Variants in EPHX1 observed in about 807,000 individuals in gnomAD.
EPHX1 encodes the protein epoxide hydrolase 1, also known as epoxide hydratase.
Under a neutral mutation model 43.2 loss-of-function variants are expected in EPHX1, and 40 were observed. The observed-to-expected ratio is 0.93, with a 90% CI of 0.72 to 1.21. The LOEUF (loss-of-function observed/expected upper bound fraction) is 1.21, where lower values mean the gene tolerates loss of function less well. Among genes scored for constraint, EPHX1 ranks in the 50% most tolerant of loss-of-function variants. The pLI is 0.00. For synonymous variants in EPHX1, 221 were observed against 226.7 expected (o/e 0.98, Z 0.22); for missense variants, 550 against 570.4 (o/e 0.96, Z 0.36).
At chr1:225,836,211 A>G (rs1171672091) in intron 3 of EPHX1, among the ~76,000 whole-genome samples, 1 of 152,210 alleles carries the variant, frequency 6.6e-6, no homozygotes, top group Non-Finnish European at 1.5e-5. Context: ...GGGATCCTGG[A>G]ACAGAAAATG....
chr1:225,815,632 T>G lies in EPHX1; in HGVS notation c.-6+5463T>G, dbSNP rs78466451. ...TAAATATTTTTAGTCTTTTGGGACT[T>G]TTAAACTCCTTTTTGAAACCTAAGC... On this transcript the variant is annotated intron_variant, in intron 1 of 8. Coordinates refer to ENST00000272167, the MANE Select transcript of EPHX1 (RefSeq NM_001136018.4). Among the ~76,000 whole-genome samples, 28 of 152,274 alleles carry G rather than the reference T, an allele frequency of 1.8e-4. No homozygotes were observed. The East Asian group carries it at 5.2e-3, about 28-fold the overall frequency.
intron 2 of EPHX1, among the ~76,000 whole-genome samples, chr1:225,830,685 G>A (rs1667530614): frequency 6.6e-6 from 1 of 152,058 alleles, no homozygotes. Flanking sequence ...GGCTGGTCTC[G>A]AACTCCTGAC....
rs1474353609 is a variant in EPHX1 at position 225,839,706 on chromosome 1, T to C, written c.723-123T>C. ...CCCATGGCCTCCCCAGTGGGGCCAG[T>C]GCTGAAAGAGGCTGGCTCTGTGCTC... On this transcript the variant is annotated intron_variant, in intron 5 of 8. Transcript: ENST00000272167. The C allele has an allele frequency of 5.4e-6, 6 of 1,101,996 alleles. No individual in the cohort carries two copies. The African/African-American group carries it at 9.2e-5, about 17-fold the overall frequency. The allele number at this position is 1,101,996 out of a possible 1,614,324, so 68.3% of individuals were successfully genotyped here.
intron 8 of EPHX1, among the ~76,000 whole-genome samples, chr1:225,844,854 G>C (rs1435738213): frequency 6.6e-6 from 1 of 152,184 alleles, no homozygotes; most frequent in Admixed American, 6.5e-5. Context: ...CCCAGTCTAG[G>C]ATGCTGGTCT....
intron 3 of EPHX1, among the ~76,000 whole-genome samples, chr1:225,835,699 C>G (rs1441705918): frequency 6.8e-6 from 1 of 147,274 alleles, no homozygotes; most frequent in African/African-American, 2.5e-5. Context: ...TTTGTTTTTT[C>G]TTTCCTTTTT....
At chr1:225,835,857 C>T (rs1416853419) in intron 3 of EPHX1, among the ~76,000 whole-genome samples, 3 of 151,982 alleles carry the variant, frequency 2.0e-5, no homozygotes, top group African/African-American at 7.2e-5. Flanking sequence ...TGACATTGGG[C>T]ATTTATGGTA....
chr1:225,815,254 G>GT lies in EPHX1; in HGVS notation c.-6+5094dup, dbSNP rs544480405. 7.2e-3 allele frequency among the ~76,000 whole-genome samples: 956 copies of GT among 133,264 alleles called. 94 individuals carry two copies. The highest frequency in any genetic ancestry group is 0.023 in the African/African-American group (883 of 38,434). The allele number at this position is 133,264 out of a possible 152,430, so 87.4% of individuals were successfully genotyped here. A position where few individuals can be genotyped will look rare whatever the true frequency, so the allele number is the denominator to read the frequency against. ...GTCAGGACATCGTTGTTTTTGTCTT[G>GT]TTTTTTTTTGAGACAGGGTCTGGCT... On this transcript the variant is annotated intron_variant, in intron 1 of 8. Coordinates refer to ENST00000272167, the MANE Select transcript of EPHX1 (RefSeq NM_001136018.4).
intron 3 of EPHX1, chr1:225,832,161 A>AGG: frequency 1.6e-6 from 1 of 630,960 alleles, no homozygotes. Flanking sequence ...GCTAGGCAGG[A>AGG]ACACATACAT....
At chr1:225,845,074 A>G in intron 8 of EPHX1, 72 bp from the exon 9 acceptor site, 1 of 1,537,416 alleles carries the variant, frequency 6.5e-7, no homozygotes, top group South Asian at 1.1e-5. Flanking sequence ...CAGGCGCTTT[A>G]ACCCCCTGCT....
At chr1:225,824,933 A>C (rs1667159329) in intron 1 of EPHX1, among the ~76,000 whole-genome samples, 1 of 152,260 alleles carries the variant, frequency 6.6e-6, no homozygotes, top group African/African-American at 2.4e-5. Flanking sequence ...TAGGTGGCAA[A>C]GTAACACACT....
chr1:225,821,201 C>T (rs528694951), intron 1 of EPHX1, among the ~76,000 whole-genome samples: 1 of 152,170 alleles, frequency 6.6e-6, no homozygotes, highest in African/African-American at 2.4e-5. Flanking sequence ...ATTTTTACCC[C>T]AGTGTAACAA....
chr1:225,841,749 G>A (rs1668446026), intron 6 of EPHX1, among the ~76,000 whole-genome samples: 1 of 151,758 alleles, frequency 6.6e-6, no homozygotes, highest in Non-Finnish European at 1.5e-5. Context: ...TTACAGGCAT[G>A]CACCACCATG....
chr1:225,834,629 T>A (rs897360449), intron 3 of EPHX1, among the ~76,000 whole-genome samples: 1 of 148,884 alleles, frequency 6.7e-6, no homozygotes, highest in Non-Finnish European at 1.5e-5. Flanking sequence ...ATTTTTTGGA[T>A]CAAATTTGGA....
chr1:225,843,467 G>A (rs1039191400), intron 7 of EPHX1, among the ~76,000 whole-genome samples: 6 of 152,178 alleles, frequency 3.9e-5, no homozygotes, highest in South Asian at 2.1e-4. Context: ...CAGGGCCTTC[G>A]TCTGGGATCT....
At position 225,823,636 on chromosome 1, in the gene EPHX1, T is replaced by C. The variant is rs36232103; in HGVS notation, c.-5-5089T>C. 5.9e-3 allele frequency among the ~76,000 whole-genome samples: 903 copies of C among 152,342 alleles called. 13 individuals are homozygous for C. The highest frequency in any genetic ancestry group is 0.021 in the African/African-American group (858 of 41,568). On this transcript the variant is annotated intron_variant, in intron 1 of 8. Coordinates refer to ENST00000272167, the MANE Select transcript of EPHX1 (RefSeq NM_001136018.4). Reference sequence around the variant, plus strand: ...ATGTAGGGGTGATGCAGCCCTGCTCTGTCCTCTTGAGTGCTGGGTGGCCAT... The same window carrying C: ...ATGTAGGGGTGATGCAGCCCTGCTCCGTCCTCTTGAGTGCTGGGTGGCCAT...
At chr1:225,839,128 G>A (rs1668154517) in intron 4 of EPHX1, 89 bp from the exon 5 acceptor site, 2 of 1,598,856 alleles carry the variant, frequency 1.3e-6, no homozygotes, top group Non-Finnish European at 1.7e-6. Flanking sequence ...GGGGTAGGCG[G>A]GCCTGAGAAA....
chr1:225,837,356 G>A (rs192363887), intron 3 of EPHX1, among the ~76,000 whole-genome samples: 5 of 152,342 alleles, frequency 3.3e-5, no homozygotes, highest in African/African-American at 4.8e-5. Context: ...TGTGAATGCC[G>A]TAAGGCCCCA....
chr1:225,841,344 G>A (rs895483107), intron 6 of EPHX1, among the ~76,000 whole-genome samples: 48 of 151,170 alleles, frequency 3.2e-4, no homozygotes, highest in African/African-American at 1.1e-3. Flanking sequence ...GTGCAGTGGT[G>A]TGATCTCAGC....
chr1:225,827,650 T>C (rs920795304), intron 1 of EPHX1, among the ~76,000 whole-genome samples: 3 of 152,140 alleles, frequency 2.0e-5, no homozygotes, highest in African/African-American at 7.2e-5. Flanking sequence ...TGGAGGGCAG[T>C]AGGGGAGCGA....
Sources: allele counts gnomAD v4.1 joint callset (sites outside exome capture counted in the v4.1 genomes callset), GRCh38; gene constraint gnomAD v4.1.1; transcripts MANE v1.5; gene names NCBI Gene and HGNC (gene_info 2026-07-23, HGNC 2026-07-21).